ZHX2: variants seen among roughly 807,000 people sequenced by gnomAD.
The protein encoded by ZHX2 is zinc fingers and homeoboxes protein 2.
Under a neutral mutation model 21.9 loss-of-function variants are expected in ZHX2, and 6 were observed. The observed-to-expected ratio is 0.27, with a 90% confidence interval of 0.15 to 0.54. The LOEUF (loss-of-function observed/expected upper bound fraction) is 0.54. ZHX2 is among the 20% of genes least tolerant of loss of function. The pLI, the probability that ZHX2 is intolerant of heterozygous loss-of-function variation, is 0.95. For synonymous variants in ZHX2, 434 were observed against 437.1 expected (o/e 0.99, Z 0.09); for missense variants, 908 against 1,090.7 (o/e 0.83, Z 2.36).
chr8:122,799,181 C>T (rs1337486612), intron 1 of ZHX2, among the ~76,000 whole-genome samples: 1 of 152,202 alleles, frequency 6.6e-6, no homozygotes, highest in Non-Finnish European at 1.5e-5. Context: ...GATCATAAGC[C>T]TCTTCTTTTG....
At chr8:122,892,809 C>T (rs967369928) in intron 2 of ZHX2, among the ~76,000 whole-genome samples, 12 of 152,278 alleles carry the variant, frequency 7.9e-5, no homozygotes, top group African/African-American at 2.4e-4. Context: ...CTCAGCCTCC[C>T]GAGTAGCTGG....
chr8:122,909,592 C>A (rs1220867667), intron 2 of ZHX2, among the ~76,000 whole-genome samples: 1 of 151,802 alleles, frequency 6.6e-6, no homozygotes, highest in Non-Finnish European at 1.5e-5. Flanking sequence ...CAGATAATCC[C>A]CTCCTCCTCC....
At chr8:122,964,679 C>T (rs955671295) in intron 3 of ZHX2, among the ~76,000 whole-genome samples, 1 of 151,318 alleles carries the variant, frequency 6.6e-6, no homozygotes, top group Non-Finnish European at 1.5e-5. Flanking sequence ...AGGGAGGATT[C>T]CTTTTTTATC....
intron 2 of ZHX2, among the ~76,000 whole-genome samples, chr8:122,873,253 G>C (rs1819487727): frequency 1.3e-5 from 2 of 152,262 alleles, no homozygotes; most frequent in African/African-American, 4.8e-5. Context: ...TGAACCTGGA[G>C]CTGGCCTTTG....
chr8:122,846,440 A>G (rs7012131), intron 1 of ZHX2, among the ~76,000 whole-genome samples: 20,509 of 152,060 alleles, frequency 0.13, 2,369 homozygotes, highest in African/African-American at 0.32. Context: ...TCCTTCTGCC[A>G]CCAGGGAACC....
At chr8:122,930,692 G>A (rs1820966988) in intron 2 of ZHX2, among the ~76,000 whole-genome samples, 1 of 149,604 alleles carries the variant, frequency 6.7e-6, no homozygotes, top group Non-Finnish European at 1.5e-5. Flanking sequence ...GTTTCACCAT[G>A]TTGGCCAGGT....
intron 1 of ZHX2, chr8:122,808,822 A>G (rs568416170): frequency 6.6e-6 from 1 of 152,248 alleles, no homozygotes; most frequent in Non-Finnish European, 1.5e-5. Context: ...GCCCTTACCA[A>G]GATTTGAACC....
intron 2 of ZHX2, among the ~76,000 whole-genome samples, chr8:122,934,835 T>G (rs1812639452): frequency 6.6e-6 from 1 of 152,120 alleles, no homozygotes; most frequent in Admixed American, 6.5e-5. Flanking sequence ...ATTGCAGGCA[T>G]GCACCACCAT....
chr8:122,842,732 G>A (rs1269256565), intron 1 of ZHX2, among the ~76,000 whole-genome samples: 1 of 152,110 alleles, frequency 6.6e-6, no homozygotes, highest in African/African-American at 2.4e-5. Context: ...CTGTCTCCCG[G>A]GGTTCACCCC....
rs191535834 is a variant in ZHX2, at chr8:122,831,009, A to G, written c.-282-32468A>G. 1.9e-4 allele frequency among the ~76,000 whole-genome samples: 29 copies of G among 152,240 alleles called. No homozygotes were observed. In the East Asian group the frequency reaches 5.6e-3, roughly 29 times the overall value. ...TGGAGAACTTACTTTATTCTTAAGG[A>G]TGTAGAGTCGCCTTGGGTAATTTAG... On this transcript the variant is annotated intron_variant, in intron 1 of 3. Coordinates refer to ENST00000314393, the MANE Select transcript of ZHX2 (RefSeq NM_014943.5).
At chr8:122,930,946 G>A (rs1281094317) in intron 2 of ZHX2, among the ~76,000 whole-genome samples, 1 of 128,392 alleles carries the variant, frequency 7.8e-6, no homozygotes, top group Non-Finnish European at 1.8e-5. Context: ...TCCCTTTTTC[G>A]GCCCAAAGCT....
chr8:122,821,688 CTTTA>C (rs35192802), intron 1 of ZHX2, among the ~76,000 whole-genome samples: 10,193 of 145,448 alleles, frequency 0.07, 433 homozygotes, highest in African/African-American at 0.1. Flanking sequence ...ACAGGCATGA[CTTTA>C]TTTATTTATT....
intron 2 of ZHX2, among the ~76,000 whole-genome samples, chr8:122,890,149 G>T (rs1819943357): frequency 6.6e-6 from 1 of 152,060 alleles, no homozygotes; most frequent in Admixed American, 6.6e-5. Flanking sequence ...GTGAGAGATA[G>T]GGATCTAGTT....
chr8:122,781,210 G>T (rs1400036447), upstream of ZHX2: 1 of 152,252 alleles, frequency 6.6e-6, no homozygotes, highest in Non-Finnish European at 1.5e-5. This position sits in a 1 kb window ranked among gnomAD's most constrained non-coding sequence, Gnocchi z 4.6. Flanking sequence ...CGCCAGAGCC[G>T]GGCCTGCAAG....
At chr8:122,956,915 A>G (rs112305273) in intron 3 of ZHX2, among the ~76,000 whole-genome samples, 2,057 of 152,192 alleles carry the variant, frequency 0.014, 40 homozygotes, top group African/African-American at 0.044. Flanking sequence ...TTGAAAATGC[A>G]CATGGGGGTG....
At chr8:122,887,945 G>A (rs34017335) in intron 2 of ZHX2, among the ~76,000 whole-genome samples, 7,448 of 152,248 alleles carry the variant, frequency 0.049, 600 homozygotes, top group African/African-American at 0.17. Flanking sequence ...CAGTGTTTGC[G>A]TTGGGCTCTG....
chr8:122,882,336 GAGAC>G (rs1205595186), intron 2 of ZHX2, among the ~76,000 whole-genome samples: 3 of 152,000 alleles, frequency 2.0e-5, no homozygotes, highest in African/African-American at 7.3e-5. Flanking sequence ...GAGAGAGAGA[GAGAC>G]AGCTCTCTTA....
At chr8:122,903,042 A>G (rs1443404796) in intron 2 of ZHX2, among the ~76,000 whole-genome samples, 2 of 152,212 alleles carry the variant, frequency 1.3e-5, no homozygotes, top group Admixed American at 1.3e-4. Flanking sequence ...TTCCATCTCT[A>G]GGACCCATGG....
intron 1 of ZHX2, among the ~76,000 whole-genome samples, chr8:122,799,498 A>G (rs892081086): frequency 3.9e-5 from 6 of 152,244 alleles, no homozygotes; most frequent in African/African-American, 1.4e-4. Context: ...GGAGATAAGA[A>G]TCCAGAGAAG....
Sources: allele counts gnomAD v4.1 joint callset (sites outside exome capture counted in the v4.1 genomes callset), GRCh38; gene constraint gnomAD v4.1.1; non-coding constraint Gnocchi (gnomAD v3.1); transcripts MANE v1.5; gene names NCBI Gene and HGNC (gene_info 2026-07-23, HGNC 2026-07-21).